The following CFAP299 variants were observed in gnomAD, a reference collection of about 807,000 sequenced individuals.
The protein encoded by CFAP299 is cilia and flagella associated protein 299.
Under a neutral mutation model 27.0 loss-of-function variants are expected in CFAP299, and 21 were observed. That is an observed-to-expected ratio of 0.78 (90% confidence interval 0.55 to 1.12). The LOEUF is 1.12. Ranked by LOEUF, CFAP299 falls within the 50% of genes most tolerant of loss-of-function variation. CFAP299 has a pLI of 0.00. For missense variants in CFAP299, 310 were observed against 276.6 expected (o/e 1.12, Z -0.86); for synonymous variants, 104 against 98.1 (o/e 1.06, Z -0.36).
At chr4:80,722,499 A>G (rs1266009694) in intron 3 of CFAP299, among the ~76,000 whole-genome samples, 1 of 152,130 alleles carries the variant, frequency 6.6e-6, no homozygotes. Context: ...TTTTCAAAAG[A>G]CACTCTTAGT....
At chr4:80,455,776 A>C (rs1729117637) in intron 2 of CFAP299, among the ~76,000 whole-genome samples, 1 of 152,174 alleles carries the variant, frequency 6.6e-6, no homozygotes. Context: ...TATAATATTC[A>C]ATGACTCACA....
chr4:80,830,679 C>G (rs1019738648), intron 3 of CFAP299, among the ~76,000 whole-genome samples: 21 of 152,030 alleles, frequency 1.4e-4, no homozygotes, highest in Non-Finnish European at 2.9e-4. Context: ...ATCACTCTGG[C>G]AGCAGGCAGA....
intron 3 of CFAP299, among the ~76,000 whole-genome samples, chr4:80,834,081 C>A (rs1221804481): frequency 1.3e-5 from 2 of 152,214 alleles, no homozygotes; most frequent in Middle Eastern, 3.4e-3. Flanking sequence ...TATGAAGAAG[C>A]ATAGTGTTCA....
chr4:80,924,224 T>C (rs1161788056), intron 4 of CFAP299, among the ~76,000 whole-genome samples: 1 of 152,050 alleles, frequency 6.6e-6, no homozygotes, highest in African/African-American at 2.4e-5. Flanking sequence ...TGTTCACATT[T>C]ATCCAGAGAA....
At chr4:80,621,270 A>C (rs1577942686) in intron 3 of CFAP299, among the ~76,000 whole-genome samples, 1 of 152,250 alleles carries the variant, frequency 6.6e-6, no homozygotes, top group Non-Finnish European at 1.5e-5. Flanking sequence ...ACTGCTGAAC[A>C]TGTCAAGTAG....
intron 2 of CFAP299, among the ~76,000 whole-genome samples, chr4:80,402,897 T>C (rs981058183): frequency 6.6e-6 from 1 of 152,180 alleles, no homozygotes; most frequent in Admixed American, 6.5e-5. Flanking sequence ...CCTGACAATA[T>C]TGGGTTTGAA....
chr4:80,546,818 G>A (rs1263918365), intron 2 of CFAP299, among the ~76,000 whole-genome samples: 1 of 152,118 alleles, frequency 6.6e-6, no homozygotes, highest in East Asian at 1.9e-4. Context: ...CACCATGTTT[G>A]TACAGCCTGC....
intron 3 of CFAP299, among the ~76,000 whole-genome samples, chr4:80,621,073 T>G (rs1738579309): frequency 6.6e-6 from 1 of 152,106 alleles, no homozygotes. Flanking sequence ...CATTAATAGA[T>G]TCCCAGTGGA....
chr4:80,477,667 T>C (rs1322195522), intron 2 of CFAP299, among the ~76,000 whole-genome samples: 1 of 152,198 alleles, frequency 6.6e-6, no homozygotes, highest in African/African-American at 2.4e-5. Context: ...CTTAGTTCTC[T>C]AGATTTATTT....
chr4:80,604,236 T>TGGAC (rs533883401), intron 3 of CFAP299, among the ~76,000 whole-genome samples: 155 of 151,980 alleles, frequency 1.0e-3, no homozygotes, highest in African/African-American at 3.0e-3. Context: ...TATCTTTTGA[T>TGGAC]TGTCAAAAGC....
At chr4:80,845,208 T>C (rs1419175074) in intron 3 of CFAP299, among the ~76,000 whole-genome samples, 1 of 152,150 alleles carries the variant, frequency 6.6e-6, no homozygotes, top group Non-Finnish European at 1.5e-5. Context: ...AGCTTTGTTC[T>C]TTTGGCTTAG....
intron 3 of CFAP299, among the ~76,000 whole-genome samples, chr4:80,840,064 T>C (rs1730778414): frequency 6.6e-6 from 1 of 152,190 alleles, no homozygotes; most frequent in Non-Finnish European, 1.5e-5. Flanking sequence ...CAGCTTAACC[T>C]AGAAAAATCT....
intron 3 of CFAP299, among the ~76,000 whole-genome samples, chr4:80,663,356 A>G (rs1295617047): frequency 1.3e-5 from 2 of 151,648 alleles, no homozygotes; most frequent in East Asian, 1.9e-4. Context: ...TCATTGTTCA[A>G]CCCCCACTTA....
intron 1 of CFAP299, among the ~76,000 whole-genome samples, chr4:80,352,374 C>T (rs1723060021): frequency 6.6e-6 from 1 of 152,050 alleles, no homozygotes; most frequent in African/African-American, 2.4e-5. Context: ...TCGAGACCAG[C>T]CTGGCCCACA....
chr4:80,814,829 G>A (rs1311998885), intron 3 of CFAP299, among the ~76,000 whole-genome samples: 1 of 151,650 alleles, frequency 6.6e-6, no homozygotes, highest in African/African-American at 2.4e-5. Context: ...GACAAACAAA[G>A]GAAAAAAAGA....
intron 2 of CFAP299, among the ~76,000 whole-genome samples, chr4:80,407,314 T>C (rs1051970092): frequency 6.6e-6 from 1 of 152,154 alleles, no homozygotes; most frequent in Non-Finnish European, 1.5e-5. Flanking sequence ...CCACCATTTA[T>C]TCAGCTCACA....
At chr4:80,327,699 T>TATATATATATATATATATAACTTCAATAC in the CFAP299 span, among the ~76,000 whole-genome samples, 3 of 120,616 alleles carry the variant, frequency 2.5e-5, no homozygotes, top group African/African-American at 1.1e-4. Context: ...GTTATATATA[T>TATATATATATATATATATAACTTCAATAC]ATATATATAT....
At chr4:80,719,874 T>TA (rs1241598864) in intron 3 of CFAP299, among the ~76,000 whole-genome samples, 3 of 152,186 alleles carry the variant, frequency 2.0e-5, no homozygotes, top group African/African-American at 7.2e-5. Context: ...TTTAAGCCCC[T>TA]AATAAAACTC....
chr4:80,933,147 CT>C (rs1736708095), intron 4 of CFAP299, among the ~76,000 whole-genome samples: 1 of 145,574 alleles, frequency 6.9e-6, no homozygotes, highest in African/African-American at 2.6e-5. Flanking sequence ...TCTTTCTTTC[CT>C]TTTCTTTCTT....
Sources: gnomAD v4.1 joint callset for allele counts (sites outside exome capture counted in the v4.1 genomes callset) on GRCh38, gnomAD v4.1.1 for gene constraint, MANE v1.5 for transcripts, NCBI Gene and HGNC (gene_info 2026-07-23, HGNC 2026-07-21) for gene names.